Variants in KALRN observed in about 807,000 individuals in gnomAD.
KALRN encodes the protein kalirin RhoGEF kinase.
KALRN carries 70 observed loss-of-function variants against 353.7 expected under a neutral mutation model. That is an observed-to-expected ratio of 0.20 (90% CI 0.16 to 0.24). The LOEUF is 0.24. KALRN is among the 10% of genes least tolerant of loss of function. The pLI is 1.00. For synonymous variants in KALRN, 1,391 were observed against 1,434.8 expected, an observed-to-expected ratio of 0.97 and a Z score of 0.69; for missense variants, 2,791 against 3,756.7, an observed-to-expected ratio of 0.74 and a Z score of 6.72.
intron 1 of KALRN, among the ~76,000 whole-genome samples, chr3:124,198,646 C>A (rs1239514328): frequency 6.6e-6 from 1 of 152,204 alleles, no homozygotes; most frequent in Non-Finnish European, 1.5e-5. Flanking sequence ...ATTCTGGGTT[C>A]ATGAGTGAGC....
intron 1 of KALRN, among the ~76,000 whole-genome samples, chr3:124,037,620 T>C (rs181581483): frequency 2.6e-5 from 4 of 152,094 alleles, no homozygotes; most frequent in Admixed American, 2.6e-4. Flanking sequence ...AAGGGTAGAA[T>C]CTAGGGAGAT....
chr3:124,185,236 G>T (rs530311192), intron 1 of KALRN, among the ~76,000 whole-genome samples: 8 of 152,226 alleles, frequency 5.3e-5, no homozygotes, highest in African/African-American at 1.7e-4. Flanking sequence ...GGCTGGTCTC[G>T]AACTCCTGAG....
At chr3:124,163,983 G>A in intron 1 of KALRN, 3 of 985,430 alleles carry the variant, frequency 3.0e-6, no homozygotes, top group South Asian at 4.7e-5. Context: ...TGGTCATTCA[G>A]AGTAGCAAGA....
Position 124,115,112 on chromosome 3 carries a change from TGTG to T in KALRN, c.73+81301_73+81303del, listed in dbSNP as rs2063341605. Among the ~76,000 whole-genome samples, 3 of 152,208 alleles carry T rather than the reference TGTG, an allele frequency of 2.0e-5. No individual in the cohort carries two copies. In the South Asian group the frequency reaches 6.2e-4, roughly 32 times the overall value. On this transcript the variant is annotated intron_variant, in intron 1 of 59. Coordinates refer to ENST00000682506, the MANE Select transcript of KALRN (RefSeq NM_001388419.1). ...TTAAAGGATGGGTAAAAGTTGGGCT[TGTG>T]GAGATAGAGGAGGCCTAGAGAAGAA...
chr3:124,107,214 A>C (rs921438349), intron 1 of KALRN, among the ~76,000 whole-genome samples: 4 of 152,234 alleles, frequency 2.6e-5, no homozygotes, highest in Non-Finnish European at 5.9e-5. Flanking sequence ...AATAAAGTAC[A>C]GGGCTAGGGG....
chr3:124,623,399 T>TACACACACACAC lies in KALRN; in HGVS notation c.5183-9003_5183-8992dup, dbSNP rs372330681. On this transcript the variant is annotated intron_variant, in intron 34 of 59. Coordinates refer to ENST00000682506, the MANE Select transcript of KALRN (RefSeq NM_001388419.1). ...ATATATATATATATATATTTATTTA[T>TACACACACACAC]ACACACACACACACACACACACACA... is the stretch of plus-strand genomic sequence containing the variant. Among the ~76,000 whole-genome samples, 178 of 136,506 alleles carry TACACACACACAC rather than the reference T, an allele frequency of 1.3e-3. 1 individual carries two copies. Among genetic ancestry groups the TACACACACACAC allele is most frequent in the African/African-American group, 4.0e-3 (145 of 36,638 alleles). The allele number at this position is 136,506 out of a possible 152,430, so 89.6% of individuals were successfully genotyped here.
At chr3:124,478,970 C>T (rs947294662) in intron 27 of KALRN, among the ~76,000 whole-genome samples, 4 of 152,218 alleles carry the variant, frequency 2.6e-5, no homozygotes, top group Non-Finnish European at 5.9e-5. Flanking sequence ...TTAAAGGTCA[C>T]ATGCTGCTTC....
chr3:124,385,265 AG>A (rs1012731682), intron 11 of KALRN, among the ~76,000 whole-genome samples: 1 of 152,180 alleles, frequency 6.6e-6, no homozygotes, highest in African/African-American at 2.4e-5. Context: ...TCATGGAGAC[AG>A]GTGGTTTTCG....
At chr3:124,156,638 G>A (rs1357204712) in intron 1 of KALRN, among the ~76,000 whole-genome samples, 1 of 152,190 alleles carries the variant, frequency 6.6e-6, no homozygotes, top group Non-Finnish European at 1.5e-5. Context: ...ATCTTGAGAT[G>A]CTTCGCTGCT....
chr3:124,424,258 A>T (rs2092918439), intron 15 of KALRN, among the ~76,000 whole-genome samples: 1 of 152,080 alleles, frequency 6.6e-6, no homozygotes. Context: ...TTTCTTTTAA[A>T]CATTTTTTTT....
chr3:124,163,470 C>A, intron 1 of KALRN: 1 of 288,576 alleles, frequency 3.5e-6, no homozygotes, highest in Non-Finnish European at 5.2e-6. Context: ...AATCACGTTG[C>A]AAGTAATGTG....
intron 25 of KALRN, among the ~76,000 whole-genome samples, chr3:124,469,772 G>A (rs2060704142): frequency 6.6e-6 from 1 of 152,126 alleles, no homozygotes. Context: ...ACAAGCAAAT[G>A]CACATTGACA....
chr3:124,655,542 T>C (rs1336459362), intron 38 of KALRN, 59 bp from the exon 39 acceptor site: 3 of 1,385,300 alleles, frequency 2.2e-6, no homozygotes, highest in Non-Finnish European at 3.1e-6. Flanking sequence ...TGAACTTAAG[T>C]GAAGATTTTT....
chr3:124,270,819 G>GTT (rs1553885259), intron 5 of KALRN, among the ~76,000 whole-genome samples: 46 of 68,014 alleles, frequency 6.8e-4, no homozygotes, highest in Non-Finnish European at 1.0e-3. Flanking sequence ...TTATTTTTTT[G>GTT]TTTTGTTTTT....
intron 33 of KALRN, among the ~76,000 whole-genome samples, chr3:124,541,408 C>G (rs973644204): frequency 2.0e-5 from 3 of 151,704 alleles, no homozygotes; most frequent in African/African-American, 7.3e-5. Flanking sequence ...CGAGATCACG[C>G]CACTGCACTC....
chr3:124,495,204 C>T (rs1160660115), intron 32 of KALRN, among the ~76,000 whole-genome samples: 2 of 152,162 alleles, frequency 1.3e-5, no homozygotes, highest in East Asian at 3.9e-4. Context: ...GGCTCCAAAG[C>T]TGCTGTGGAA....
intron 34 of KALRN, among the ~76,000 whole-genome samples, chr3:124,567,724 C>T (rs1021763876): frequency 6.6e-6 from 1 of 152,158 alleles, no homozygotes; most frequent in Non-Finnish European, 1.5e-5. Context: ...TCTAAAAATA[C>T]TGATGCCTCA....
intron 10 of KALRN, among the ~76,000 whole-genome samples, chr3:124,371,543 T>G (rs1479775662): frequency 6.6e-6 from 1 of 152,214 alleles, no homozygotes; most frequent in African/African-American, 2.4e-5. Context: ...TAATTTACCT[T>G]CCTACCAATA....
intron 1 of KALRN, among the ~76,000 whole-genome samples, chr3:124,034,201 C>T (rs2039180449): frequency 6.6e-6 from 1 of 152,158 alleles, no homozygotes; most frequent in East Asian, 1.9e-4. Context: ...TGCCTGTCAG[C>T]GGGGCTCCCG....
Sources: allele counts gnomAD v4.1 joint callset (sites outside exome capture counted in the v4.1 genomes callset), GRCh38; gene constraint gnomAD v4.1.1; transcripts MANE v1.5; gene names NCBI Gene and HGNC (gene_info 2026-07-23, HGNC 2026-07-21).